The following LRRIQ3 variants were observed in gnomAD, a reference collection of about 807,000 sequenced individuals.
The protein encoded by LRRIQ3 is leucine rich repeats and IQ motif containing 3, also known as leucine-rich repeat and IQ domain-containing protein 3.
LRRIQ3 carries 75 observed loss-of-function variants against 59.3 expected under a neutral mutation model. That is an observed-to-expected ratio of 1.26 (90% CI 1.05 to 1.53). LRRIQ3 has a LOEUF of 1.53. LRRIQ3 is among the 40% of genes most tolerant of loss of function. The pLI is 0.00. For synonymous variants in LRRIQ3, 250 were observed against 231.3 expected (o/e 1.08, Z -0.73); for missense variants, 831 against 710.0 (o/e 1.17, Z -1.94).
At chr1:74,139,730 T>C (rs1647197359) in intron 4 of LRRIQ3, among the ~76,000 whole-genome samples, 1 of 151,932 alleles carries the variant, frequency 6.6e-6, no homozygotes, top group Non-Finnish European at 1.5e-5. Context: ...AAAATATTAA[T>C]GTCTTATTAT....
At chr1:74,030,590 C>T (rs2100356500) in intron 7 of LRRIQ3, among the ~76,000 whole-genome samples, 1 of 152,246 alleles carries the variant, frequency 6.6e-6, no homozygotes, top group East Asian at 1.9e-4. Flanking sequence ...CCCTTCCTTA[C>T]ACCTTATACA....
At chr1:74,075,581 A>G (rs949027945) in intron 5 of LRRIQ3, among the ~76,000 whole-genome samples, 2 of 152,006 alleles carry the variant, frequency 1.3e-5, no homozygotes, top group Admixed American at 6.6e-5. Context: ...AAAAAAAAAA[A>G]GAAAAGAAAA....
chr1:74,060,275 C>A (rs1415912375), intron 6 of LRRIQ3, among the ~76,000 whole-genome samples: 3 of 148,742 alleles, frequency 2.0e-5, no homozygotes, highest in East Asian at 2.0e-4. Context: ...TCTTCTTTCT[C>A]TTCCTCCTCC....
At chr1:74,040,989 A>G (rs776869511) in intron 7 of LRRIQ3, among the ~76,000 whole-genome samples, 1 of 152,198 alleles carries the variant, frequency 6.6e-6, no homozygotes, top group Non-Finnish European at 1.5e-5. Flanking sequence ...ACTAAGAGGT[A>G]GATAGGTTTT....
chr1:74,090,652 C>T (rs546930264), intron 5 of LRRIQ3, among the ~76,000 whole-genome samples: 25 of 152,046 alleles, frequency 1.6e-4, no homozygotes, highest in African/African-American at 6.0e-4. Context: ...CTTTGAAAGG[C>T]CAATGTAGGA....
In LRRIQ3 at chr1:74,153,341, A is replaced by G. The variant is rs184578237; in HGVS notation, c.707+2392T>C. On this transcript the variant is annotated intron_variant, in intron 4 of 7. Transcript: ENST00000354431. The stretch of plus-strand genomic sequence containing the variant: ...TATATATTTCAAGTACTTAAAGTTA[A>G]AAATTTCAAAGTACAAAATATTTGG... Among the ~76,000 whole-genome samples the G allele has an allele frequency of 3.0e-3, 456 of 152,310 alleles. 2 individuals are homozygous for G. Among genetic ancestry groups the G allele is most frequent in the African/African-American group, 0.01 (424 of 41,562 alleles).
chr1:74,167,376 G>A (rs776288218), intron 3 of LRRIQ3, among the ~76,000 whole-genome samples: 9 of 151,890 alleles, frequency 5.9e-5, no homozygotes, highest in Middle Eastern at 3.4e-3. Context: ...AATATCGTAT[G>A]TTCTCACTCA....
At chr1:74,048,140 A>G (rs935035488) in intron 6 of LRRIQ3, among the ~76,000 whole-genome samples, 7 of 152,154 alleles carry the variant, frequency 4.6e-5, no homozygotes, top group Admixed American at 2.6e-4. Flanking sequence ...GAATTTTGTT[A>G]TGACAGCTTG....
At chr1:74,154,134 G>C (rs983185252) in intron 4 of LRRIQ3, among the ~76,000 whole-genome samples, 1 of 150,906 alleles carries the variant, frequency 6.6e-6, no homozygotes, top group Non-Finnish European at 1.5e-5. Context: ...CCAGCTACTG[G>C]GGAGGCTGAG....
At chr1:74,096,135 A>G (rs1646446476) in intron 5 of LRRIQ3, among the ~76,000 whole-genome samples, 1 of 152,112 alleles carries the variant, frequency 6.6e-6, no homozygotes, top group Admixed American at 6.6e-5. Context: ...CTATATTTTT[A>G]AGAATAGATT....
At chr1:74,186,717 T>C (rs945581798) in intron 1 of LRRIQ3, among the ~76,000 whole-genome samples, 1 of 152,166 alleles carries the variant, frequency 6.6e-6, no homozygotes, top group Non-Finnish European at 1.5e-5. Flanking sequence ...ATAATGCTCA[T>C]GATATTACTT....
intron 4 of LRRIQ3, among the ~76,000 whole-genome samples, chr1:74,132,246 A>G (rs1647035451): frequency 6.6e-6 from 1 of 152,212 alleles, no homozygotes; most frequent in Non-Finnish European, 1.5e-5. Flanking sequence ...ATGGAAGAAC[A>G]TTCCATTCTC....
intron 1 of LRRIQ3, among the ~76,000 whole-genome samples, chr1:74,191,131 G>A (rs1650741291): frequency 6.6e-6 from 1 of 152,052 alleles, no homozygotes; most frequent in Admixed American, 6.6e-5. Flanking sequence ...TTAATTGAAT[G>A]CCTAGTTCCA....
At chr1:74,143,702 T>C (rs185402071) in intron 4 of LRRIQ3, among the ~76,000 whole-genome samples, 1 of 151,452 alleles carries the variant, frequency 6.6e-6, no homozygotes, top group South Asian at 2.1e-4. Context: ...TAATTTACTA[T>C]AACAAATTAT....
intron 4 of LRRIQ3, among the ~76,000 whole-genome samples, chr1:74,115,035 C>T (rs66624940): frequency 0.31 from 46,478 of 151,398 alleles, 7,925 homozygotes; most frequent in Middle Eastern, 0.45. Context: ...ACTATCTTGT[C>T]GAATGATTTA....
In LRRIQ3 at chr1:74,056,992, T is replaced by C. The variant is rs950582125; in HGVS notation, c.998-15059A>G. 2.0e-5 allele frequency among the ~76,000 whole-genome samples: 3 copies of C among 152,184 alleles called. No homozygotes were observed. The East Asian group carries it at 5.8e-4, about 29-fold the overall frequency. ...CTCTGTCTCCTGCCACCATGTAAGA[T>C]GTACCTTGCTTCCCCTTTGCCTTCG... is the stretch of plus-strand genomic sequence containing the variant. On this transcript the variant is annotated intron_variant, in intron 6 of 7. Transcript: ENST00000354431.
intron 1 of LRRIQ3, among the ~76,000 whole-genome samples, chr1:74,188,551 T>C (rs905789873): frequency 1.3e-5 from 2 of 152,198 alleles, no homozygotes; most frequent in Non-Finnish European, 2.9e-5. Flanking sequence ...TAGTCATTAT[T>C]TAGACTCTGA....
intron 4 of LRRIQ3, among the ~76,000 whole-genome samples, chr1:74,116,558 C>T (rs113697917): frequency 5.9e-5 from 9 of 152,072 alleles, no homozygotes; most frequent in African/African-American, 2.2e-4. Context: ...ATTCAATACA[C>T]AGGTATTATT....
In LRRIQ3 at chr1:74,095,813, CAT is replaced by C. The variant is rs1437503734; in HGVS notation, c.867+13579_867+13580del. On this transcript the variant is annotated intron_variant, in intron 5 of 7. Transcript: ENST00000354431. Reference sequence around the variant, plus strand: ...CCTAATCTAAGTGTTACTTTACAATCATATAGTTATATTTAAAAAGAAATGAT... The same window carrying C: ...CCTAATCTAAGTGTTACTTTACAATCATAGTTATATTTAAAAAGAAATGAT... Among the ~76,000 whole-genome samples the C allele has an allele frequency of 2.0e-5, 3 of 151,976 alleles. No homozygotes were observed. The East Asian group carries it at 5.8e-4, about 29-fold the overall frequency.
Sources: gnomAD v4.1 joint callset for allele counts (sites outside exome capture counted in the v4.1 genomes callset) on GRCh38, gnomAD v4.1.1 for gene constraint, MANE v1.5 for transcripts, NCBI Gene and HGNC (gene_info 2026-07-23, HGNC 2026-07-21) for gene names.